The following UGGT2 variants were observed in gnomAD, a reference collection of about 807,000 sequenced individuals.
The protein encoded by UGGT2 is UDP-glucose glycoprotein glucosyltransferase 2, also known as UDP-glucose:glycoprotein glucosyltransferase 2.
Under a neutral mutation model 192.1 loss-of-function variants are expected in UGGT2, and 180 were observed. The observed-to-expected ratio is 0.94, with a 90% confidence interval of 0.83 to 1.06. The LOEUF (loss-of-function observed/expected upper bound fraction) is 1.06, where lower values mean the gene tolerates loss of function less well. Ranked by LOEUF, UGGT2 falls within the 50% of genes least tolerant of loss-of-function variation. UGGT2 has a pLI of 0.00. For missense variants in UGGT2, 1,849 were observed against 1,795.7 expected, an observed-to-expected ratio of 1.03 and a Z score of -0.54; for synonymous variants, 580 against 591.0, an observed-to-expected ratio of 0.98 and a Z score of 0.27.
intron 14 of UGGT2, among the ~76,000 whole-genome samples, chr13:95,947,488 G>C (rs145286644): frequency 1.4e-5 from 2 of 144,264 alleles, no homozygotes; most frequent in African/African-American, 5.1e-5. Flanking sequence ...GTCTCGCTCT[G>C]TCACCCAGGC....
At chr13:96,028,481 G>A (rs1003313257) in intron 2 of UGGT2, among the ~76,000 whole-genome samples, 13 of 152,202 alleles carry the variant, frequency 8.5e-5, no homozygotes, top group African/African-American at 3.1e-4. Flanking sequence ...TAAATCTTGG[G>A]TGACATTTCT....
In UGGT2 at chr13:95,801,897, C is replaced by T; in HGVS notation, c.4529-85G>A. 3 of 1,493,274 alleles carry T rather than the reference C, an allele frequency of 2.0e-6. No individual in the cohort carries two copies. In the South Asian group the frequency reaches 3.5e-5, roughly 17 times the overall value. The allele number at this position is 1,493,274 out of a possible 1,614,324, so 92.5% of individuals were successfully genotyped here. A position where few individuals can be genotyped will look rare whatever the true frequency, so the allele number is the denominator to read the frequency against. On this transcript the variant is annotated intron_variant, in intron 38 of 38. Coordinates refer to ENST00000376747, the MANE Select transcript of UGGT2 (RefSeq NM_020121.4). The stretch of plus-strand genomic sequence containing the variant: ...ATTACTTACATATGATGAGGAAGCA[C>T]CGGTACTGACTGAGGATCCTTTATT...
intron 38 of UGGT2, among the ~76,000 whole-genome samples, chr13:95,803,893 A>G (rs187657931): frequency 6.6e-6 from 1 of 152,354 alleles, no homozygotes; most frequent in African/African-American, 2.4e-5. Flanking sequence ...AGATGAATAC[A>G]TAAGACAGCT....
intron 5 of UGGT2, among the ~76,000 whole-genome samples, chr13:96,001,346 C>T (rs1346052843): frequency 6.6e-6 from 1 of 151,998 alleles, no homozygotes; most frequent in African/African-American, 2.4e-5. Flanking sequence ...GAGTACCTTG[C>T]GACCCCCACT....
chr13:96,003,602 T>C (rs1291346396), intron 5 of UGGT2, among the ~76,000 whole-genome samples: 2 of 152,206 alleles, frequency 1.3e-5, no homozygotes, highest in Non-Finnish European at 2.9e-5. Flanking sequence ...AGTTCTACTC[T>C]TTTCTTTTTG....
intron 12 of UGGT2, among the ~76,000 whole-genome samples, chr13:95,966,508 G>C (rs2050584353): frequency 6.6e-6 from 1 of 152,068 alleles, no homozygotes; most frequent in Admixed American, 6.6e-5. Context: ...GGTGACTATA[G>C]TTAGCAGCAA....
chr13:95,947,938 TATGA>T (rs555552269), intron 14 of UGGT2, 54 bp downstream of exon 14: 18 of 1,424,280 alleles, frequency 1.3e-5, no homozygotes, highest in Admixed American at 1.7e-5. Context: ...TGTAACACAA[TATGA>T]ATAACATTGA....
chr13:96,042,212 AT>A (rs1305082641), intron 1 of UGGT2, among the ~76,000 whole-genome samples: 1 of 152,178 alleles, frequency 6.6e-6, no homozygotes, highest in Non-Finnish European at 1.5e-5. Context: ...TGTGCAGACA[AT>A]TCCTAGTACC....
chr13:95,922,271 T>C (rs920996003), intron 20 of UGGT2, among the ~76,000 whole-genome samples: 1 of 151,860 alleles, frequency 6.6e-6, no homozygotes, highest in Admixed American at 6.6e-5. Context: ...GGGACACAAA[T>C]ATGGGAGTAG....
intron 16 of UGGT2, among the ~76,000 whole-genome samples, chr13:95,938,830 A>T (rs1164145313): frequency 6.6e-6 from 1 of 152,020 alleles, no homozygotes; most frequent in Non-Finnish European, 1.5e-5. Flanking sequence ...AATAATTCAA[A>T]TATGTCCATT....
intron 17 of UGGT2, among the ~76,000 whole-genome samples, chr13:95,932,786 T>G (rs1212095963): frequency 6.6e-6 from 1 of 152,186 alleles, no homozygotes; most frequent in Non-Finnish European, 1.5e-5. Flanking sequence ...TGTTGAGGGT[T>G]TTTATCATGA....
At chr13:95,935,443 C>T (rs2389569) in intron 17 of UGGT2, among the ~76,000 whole-genome samples, 152,388 of 152,388 alleles carry the variant, frequency 1, 76,194 homozygotes, top group Non-Finnish European at 1. Flanking sequence ...TTTGACAGGA[C>T]ACAAAATTCT....
chr13:95,980,136 T>C (rs746103705), intron 10 of UGGT2, among the ~76,000 whole-genome samples: 9 of 152,114 alleles, frequency 5.9e-5, no homozygotes, highest in Non-Finnish European at 1.2e-4. Context: ...CACTACTAGG[T>C]AACTGCCCAG....
chr13:96,008,681 C>T (rs1007086865), intron 5 of UGGT2, among the ~76,000 whole-genome samples: 4 of 152,118 alleles, frequency 2.6e-5, no homozygotes, highest in Admixed American at 6.6e-5. Context: ...GGAGGTGAAT[C>T]TCTACAATGA....
intron 30 of UGGT2, among the ~76,000 whole-genome samples, chr13:95,864,770 G>C (rs2140101628): frequency 6.6e-6 from 1 of 152,028 alleles, no homozygotes; most frequent in East Asian, 1.9e-4. Context: ...CTTTACATTG[G>C]TTTACAGATT....
chr13:95,877,538 T>C, intron 28 of UGGT2, 160 bp downstream of exon 28: 1 of 1,047,210 alleles, frequency 9.5e-7, no homozygotes. Flanking sequence ...TATTAAAGTA[T>C]GATTTTCCCC....
chr13:95,802,683 CAGTG>C (rs1482649953), intron 38 of UGGT2, among the ~76,000 whole-genome samples: 1 of 152,186 alleles, frequency 6.6e-6, no homozygotes, highest in Non-Finnish European at 1.5e-5. Context: ...CGCCAGTGGA[CAGTG>C]AGTCACACAG....
At chr13:96,006,791 T>G (rs2051995423) in intron 5 of UGGT2, among the ~76,000 whole-genome samples, 1 of 152,078 alleles carries the variant, frequency 6.6e-6, no homozygotes, top group South Asian at 2.1e-4. Flanking sequence ...TGTGGGATAG[T>G]ACCACACATG....
At chr13:95,903,835 CA>C (rs2048186135) in intron 20 of UGGT2, among the ~76,000 whole-genome samples, 1 of 152,130 alleles carries the variant, frequency 6.6e-6, no homozygotes, top group East Asian at 1.9e-4. Context: ...CAACAGATAA[CA>C]AACAGTTCCA....
Sources: allele counts gnomAD v4.1 joint callset (sites outside exome capture counted in the v4.1 genomes callset), GRCh38; gene constraint gnomAD v4.1.1; transcripts MANE v1.5; gene names NCBI Gene and HGNC (gene_info 2026-07-23, HGNC 2026-07-21).